MAN1A1: variants seen among roughly 807,000 people sequenced by gnomAD.
MAN1A1 encodes the protein mannosyl-oligosaccharide 1,2-alpha-mannosidase IA.
Under a neutral mutation model 70.8 loss-of-function variants are expected in MAN1A1, and 29 were observed. That is an observed-to-expected ratio of 0.41 (90% CI 0.31 to 0.56). The LOEUF (loss-of-function observed/expected upper bound fraction) is 0.56, where lower values mean the gene tolerates loss of function less well. MAN1A1 is among the 20% of genes least tolerant of loss of function. MAN1A1 has a pLI of 0.29. For synonymous variants in MAN1A1, 349 were observed against 330.1 expected, an observed-to-expected ratio of 1.06 and a Z score of -0.62; for missense variants, 747 against 841.3, an observed-to-expected ratio of 0.89 and a Z score of 1.39.
intron 9 of MAN1A1, among the ~76,000 whole-genome samples, chr6:119,192,117 G>A (rs1445757587): frequency 2.0e-5 from 3 of 152,134 alleles, no homozygotes; most frequent in South Asian, 4.1e-4. Flanking sequence ...ATGGTTTTAG[G>A]AATTAGGAAG....
chr6:119,323,156 GC>G (rs1773060783), intron 2 of MAN1A1, among the ~76,000 whole-genome samples: 1 of 152,218 alleles, frequency 6.6e-6, no homozygotes, highest in Admixed American at 6.5e-5. Flanking sequence ...GCTGTAAGCT[GC>G]TTTTCCCAGG....
chr6:119,182,215 A>C (rs1443575893), intron 11 of MAN1A1, among the ~76,000 whole-genome samples: 3 of 152,160 alleles, frequency 2.0e-5, no homozygotes, highest in African/African-American at 7.2e-5. Flanking sequence ...CTATTTTGAA[A>C]TCAGGTTGTT....
At position 119,292,330 on chromosome 6, in the gene MAN1A1, G is replaced by A. The variant is rs140217092; in HGVS notation, c.817-1567C>T. The stretch of plus-strand genomic sequence containing the variant: ...TCAAACCATTCACTAATAATCATGG[G>A]ACTCACAGCAATTTATAATATATGG... On this transcript the variant is annotated intron_variant, in intron 4 of 12. Transcript: ENST00000368468. Among the ~76,000 whole-genome samples the A allele has an allele frequency of 4.3e-3, 660 of 151,938 alleles. 3 individuals carry two copies. Among genetic ancestry groups the A allele is most frequent in the Non-Finnish European group, 6.8e-3 (464 of 67,904 alleles).
chr6:119,203,214 A>T (rs1233176033), intron 7 of MAN1A1, among the ~76,000 whole-genome samples: 1 of 152,172 alleles, frequency 6.6e-6, no homozygotes, highest in Non-Finnish European at 1.5e-5. Context: ...ATTGAGAGTT[A>T]ACGGGACAGG....
At chr6:119,181,926 T>C (rs369441171) in intron 11 of MAN1A1, among the ~76,000 whole-genome samples, 1 of 152,298 alleles carries the variant, frequency 6.6e-6, no homozygotes, top group East Asian at 1.9e-4. Flanking sequence ...ATATGGTAGC[T>C]CTATTTTTAA....
intron 11 of MAN1A1, among the ~76,000 whole-genome samples, chr6:119,180,909 TA>T (rs1467977934): frequency 6.6e-6 from 1 of 152,082 alleles, no homozygotes; most frequent in Non-Finnish European, 1.5e-5. Flanking sequence ...AAATGTAAAT[TA>T]AAAATGAAGT....
At chr6:119,209,700 G>A (rs897134835) in intron 6 of MAN1A1, among the ~76,000 whole-genome samples, 6 of 152,098 alleles carry the variant, frequency 3.9e-5, no homozygotes, top group Non-Finnish European at 8.8e-5. Context: ...TTACAAACGC[G>A]TCCTTCCTGA....
chr6:119,297,928 G>C (rs1772267662), intron 4 of MAN1A1, among the ~76,000 whole-genome samples: 1 of 151,758 alleles, frequency 6.6e-6, no homozygotes, highest in South Asian at 2.1e-4. Flanking sequence ...GGGATTACAG[G>C]TGTGAGCCAC....
intron 2 of MAN1A1, among the ~76,000 whole-genome samples, chr6:119,346,700 C>G (rs559859957): frequency 6.6e-6 from 1 of 152,312 alleles, no homozygotes; most frequent in African/African-American, 2.4e-5. Context: ...CTTGTAATCA[C>G]TCTTGGTCAG....
chr6:119,265,102 A>ATT (rs5879494), intron 5 of MAN1A1, among the ~76,000 whole-genome samples: 66 of 141,506 alleles, frequency 4.7e-4, no homozygotes, highest in African/African-American at 8.2e-4. Context: ...CCTTTTTTAA[A>ATT]TTTTTTTTTT....
At chr6:119,226,032 C>T (rs970539082) in intron 6 of MAN1A1, among the ~76,000 whole-genome samples, 17 of 152,086 alleles carry the variant, frequency 1.1e-4, no homozygotes, top group African/African-American at 2.4e-5. Flanking sequence ...TGAATTTTTT[C>T]GCAAAAGGTA....
intron 9 of MAN1A1, among the ~76,000 whole-genome samples, chr6:119,193,569 C>G (rs1467631425): frequency 6.6e-6 from 1 of 152,112 alleles, no homozygotes; most frequent in Non-Finnish European, 1.5e-5. Context: ...GAGGTTTAAA[C>G]CATGCAAAAA....
At chr6:119,285,375 C>A (rs1776340330) in intron 5 of MAN1A1, among the ~76,000 whole-genome samples, 1 of 152,008 alleles carries the variant, frequency 6.6e-6, no homozygotes, top group South Asian at 2.1e-4. Flanking sequence ...AGGGATCTGG[C>A]CCCATGACCC....
At chr6:119,265,847 G>T (rs957838096) in intron 5 of MAN1A1, among the ~76,000 whole-genome samples, 4 of 152,140 alleles carry the variant, frequency 2.6e-5, no homozygotes, top group African/African-American at 9.7e-5. Flanking sequence ...TTTGTCTGCA[G>T]ATGACATATT....
At chr6:119,190,199 A>G (rs73767278) in intron 9 of MAN1A1, among the ~76,000 whole-genome samples, 2,259 of 152,346 alleles carry the variant, frequency 0.015, 45 homozygotes, top group African/African-American at 0.049. Flanking sequence ...TGCAGCAGTA[A>G]TAGTTGGTTT....
intron 11 of MAN1A1, among the ~76,000 whole-genome samples, chr6:119,181,466 CA>C (rs1051827442): frequency 1.1e-4 from 11 of 96,262 alleles, no homozygotes; most frequent in African/African-American, 4.0e-4. Context: ...TTTTTTTTTT[CA>C]GTCTAGTATG....
intron 5 of MAN1A1, among the ~76,000 whole-genome samples, chr6:119,253,392 A>G (rs754413001): frequency 3.3e-5 from 5 of 152,248 alleles, no homozygotes; most frequent in Admixed American, 6.5e-5. Flanking sequence ...CCAATTCTCC[A>G]TGACAACGCC....
intron 5 of MAN1A1, among the ~76,000 whole-genome samples, chr6:119,262,555 T>C (rs980475154): frequency 6.6e-6 from 1 of 152,144 alleles, no homozygotes; most frequent in Non-Finnish European, 1.5e-5. Context: ...GTTCAGCCAT[T>C]GTGGAAAGTA....
chr6:119,226,771 A>T (rs534950433), intron 6 of MAN1A1, among the ~76,000 whole-genome samples: 80 of 152,214 alleles, frequency 5.3e-4, no homozygotes, highest in African/African-American at 1.9e-3. Context: ...CCTGGGTTCA[A>T]GCGATTCTTG....
Sources: allele counts gnomAD v4.1 joint callset (sites outside exome capture counted in the v4.1 genomes callset), GRCh38; gene constraint gnomAD v4.1.1; transcripts MANE v1.5; gene names NCBI Gene and HGNC (gene_info 2026-07-23, HGNC 2026-07-21).